Variants in IMMP2L observed in about 807,000 individuals in gnomAD.
IMMP2L encodes the protein inner mitochondrial membrane peptidase subunit 2, also known as mitochondrial inner membrane protease subunit 2.
Under a neutral mutation model 19.3 loss-of-function variants are expected in IMMP2L, and 18 were observed. The ratio of observed to expected loss-of-function variants is 0.93; its 90% CI spans 0.64 to 1.38. The LOEUF is 1.38. Among genes scored for constraint, IMMP2L ranks in the 40% most tolerant of loss-of-function variants. The pLI is 0.00. For missense variants in IMMP2L, 233 were observed against 218.2 expected (o/e 1.07, Z -0.43); for synonymous variants, 76 against 73.0 (o/e 1.04, Z -0.21).
chr7:110,956,015 A>T (rs1030148741), intron 4 of IMMP2L, among the ~76,000 whole-genome samples: 3 of 151,964 alleles, frequency 2.0e-5, no homozygotes, highest in Admixed American at 2.0e-4. Flanking sequence ...TCCTATAAAG[A>T]TTCATCGTTT....
At chr7:110,893,734 C>T (rs1378989478) in intron 4 of IMMP2L, among the ~76,000 whole-genome samples, 1 of 152,132 alleles carries the variant, frequency 6.6e-6, no homozygotes, top group Non-Finnish European at 1.5e-5. Context: ...CAGCTATGAA[C>T]ATTTCAGTAT....
chr7:111,136,620 G>A (rs1004391281), intron 3 of IMMP2L, among the ~76,000 whole-genome samples: 4 of 152,070 alleles, frequency 2.6e-5, no homozygotes, highest in African/African-American at 9.7e-5. Context: ...CCAGAAATTG[G>A]ATGCAGTCCT....
At chr7:110,750,836 A>G (rs1797673089) in intron 5 of IMMP2L, among the ~76,000 whole-genome samples, 2 of 152,082 alleles carry the variant, frequency 1.3e-5, no homozygotes, top group Non-Finnish European at 2.9e-5. Context: ...AGGCACATGC[A>G]CACAAAAATC....
chr7:110,749,678 T>G (rs925095724), intron 5 of IMMP2L, among the ~76,000 whole-genome samples: 2 of 151,966 alleles, frequency 1.3e-5, no homozygotes, highest in Admixed American at 1.3e-4. Flanking sequence ...TTCTCACTCA[T>G]AAGTGGGAGT....
intron 5 of IMMP2L, among the ~76,000 whole-genome samples, chr7:110,817,515 A>G (rs920918566): frequency 7.2e-5 from 11 of 152,136 alleles, no homozygotes; most frequent in African/African-American, 2.4e-4. Flanking sequence ...AAGAATCAAT[A>G]TTGTGAAAAT....
intron 5 of IMMP2L, among the ~76,000 whole-genome samples, chr7:110,668,886 C>T (rs1791646021): frequency 6.6e-6 from 1 of 151,506 alleles, no homozygotes; most frequent in South Asian, 2.1e-4. Context: ...TATAGGCAGG[C>T]AAAGAGTATA....
chr7:111,539,253 A>T (rs1304286024), intron 1 of IMMP2L, among the ~76,000 whole-genome samples: 1 of 148,296 alleles, frequency 6.7e-6, no homozygotes, highest in Non-Finnish European at 1.5e-5. Flanking sequence ...AAAGAAAGAA[A>T]GAAAGAAAGA....
intron 5 of IMMP2L, among the ~76,000 whole-genome samples, chr7:110,867,069 T>C (rs1346681742): frequency 2.1e-4 from 32 of 152,088 alleles, no homozygotes. Flanking sequence ...ATTATCACTA[T>C]GCACTTGTAT....
chr7:111,241,246 G>A (rs368937458), intron 3 of IMMP2L, among the ~76,000 whole-genome samples: 4 of 151,806 alleles, frequency 2.6e-5, no homozygotes, highest in African/African-American at 7.3e-5. Context: ...GATGTGACTC[G>A]TTTGAGGAAT....
At chr7:111,367,127 A>G (rs554941504) in intron 3 of IMMP2L, among the ~76,000 whole-genome samples, 83 of 151,876 alleles carry the variant, frequency 5.5e-4, no homozygotes, top group African/African-American at 1.9e-3. Context: ...TCTCGGTGAC[A>G]CTTGTGGCTG....
At chr7:110,777,137 C>T (rs938676150) in intron 5 of IMMP2L, among the ~76,000 whole-genome samples, 2 of 151,960 alleles carry the variant, frequency 1.3e-5, no homozygotes, top group Admixed American at 1.3e-4. Context: ...CAAATCCTTT[C>T]CCATGGGCCT....
intron 2 of IMMP2L, among the ~76,000 whole-genome samples, chr7:111,488,516 C>T (rs919206290): frequency 3.3e-5 from 5 of 152,238 alleles, no homozygotes; most frequent in South Asian, 2.1e-4. Context: ...AACATTATTT[C>T]GTTCCTTTTT....
At chr7:111,199,019 T>C (rs1164846010) in intron 3 of IMMP2L, among the ~76,000 whole-genome samples, 1 of 152,200 alleles carries the variant, frequency 6.6e-6, no homozygotes, top group Non-Finnish European at 1.5e-5. Flanking sequence ...TCCACTGAAC[T>C]TGATAGCTAT....
chr7:110,818,987 C>T (rs1802788826), intron 5 of IMMP2L, among the ~76,000 whole-genome samples: 1 of 150,412 alleles, frequency 6.6e-6, no homozygotes, highest in African/African-American at 2.4e-5. Flanking sequence ...GGAGGGATAG[C>T]ATTAGGAGAT....
chr7:110,940,318 CAAAA>C (rs3051992), intron 4 of IMMP2L, among the ~76,000 whole-genome samples: 1 of 127,586 alleles, frequency 7.8e-6, no homozygotes. Flanking sequence ...GACTCCATCT[CAAAA>C]AAAAAAAAAA....
At chr7:111,085,388 C>T (rs540925358) in intron 3 of IMMP2L, among the ~76,000 whole-genome samples, 18 of 152,278 alleles carry the variant, frequency 1.2e-4, no homozygotes, top group African/African-American at 4.3e-4. Context: ...TCCTTTTTCT[C>T]CACAACCTCG....
intron 3 of IMMP2L, among the ~76,000 whole-genome samples, chr7:111,092,034 A>G (rs1796925771): frequency 6.6e-6 from 1 of 152,204 alleles, no homozygotes; most frequent in African/African-American, 2.4e-5. Context: ...GTGGATGCAA[A>G]TTAAGGCAAA....
intron 1 of IMMP2L, among the ~76,000 whole-genome samples, chr7:111,545,215 C>G (rs1221734235): frequency 6.6e-6 from 1 of 152,094 alleles, no homozygotes; most frequent in African/African-American, 2.4e-5. Flanking sequence ...AACTCCATAG[C>G]AGTCATCCTA....
chr7:110,781,808 C>T (rs745785132), intron 5 of IMMP2L, among the ~76,000 whole-genome samples: 3 of 151,822 alleles, frequency 2.0e-5, no homozygotes, highest in Non-Finnish European at 2.9e-5. Flanking sequence ...CCTAATTATA[C>T]TTATTTTAAT....
Sources: allele counts gnomAD v4.1 joint callset (sites outside exome capture counted in the v4.1 genomes callset), GRCh38; gene constraint gnomAD v4.1.1; transcripts MANE v1.5; gene names NCBI Gene and HGNC (gene_info 2026-07-23, HGNC 2026-07-21).